The following FNIP2 variants were observed in gnomAD, a reference collection of about 807,000 sequenced individuals.
FNIP2 encodes the protein folliculin-interacting protein 2.
A neutral mutation model predicts 108.7 loss-of-function variants in FNIP2; 32 were observed. The ratio of observed to expected loss-of-function variants is 0.29; its 90% CI spans 0.22 to 0.40. FNIP2 has a LOEUF of 0.40. Ranked by LOEUF, FNIP2 falls within the 10% of genes least tolerant of loss-of-function variation. FNIP2 has a pLI of 1.00. For synonymous variants in FNIP2, 480 were observed against 496.7 expected (o/e 0.97, Z 0.45); for missense variants, 1,202 against 1,381.6 (o/e 0.87, Z 2.06).
intron 1 of FNIP2, among the ~76,000 whole-genome samples, chr4:158,804,924 T>C (rs966029564): frequency 1.3e-5 from 2 of 152,210 alleles, no homozygotes; most frequent in African/African-American, 4.8e-5. Flanking sequence ...CAAGTTGTCA[T>C]ATGTGTGTTG....
intron 14 of FNIP2, among the ~76,000 whole-genome samples, chr4:158,882,440 C>T (rs1380806548): frequency 1.3e-5 from 2 of 151,982 alleles, no homozygotes; most frequent in South Asian, 2.1e-4. Context: ...TCTGCCTGGC[C>T]GCCCCTTCTG....
chr4:158,775,562 G>C (rs1266334078), intron 1 of FNIP2, among the ~76,000 whole-genome samples: 2 of 142,622 alleles, frequency 1.4e-5, no homozygotes, highest in Non-Finnish European at 3.1e-5. Context: ...ACCAGTGCTT[G>C]AATGGGAGGG....
chr4:158,871,831 C>A (rs574045801), intron 14 of FNIP2: 1 of 985,360 alleles, frequency 1.0e-6, no homozygotes, highest in South Asian at 4.7e-5. Flanking sequence ...GCATCAATGA[C>A]CCCTGTAAGA....
At chr4:158,901,193 C>T (rs541436833) in intron 16 of FNIP2, among the ~76,000 whole-genome samples, 15 of 135,736 alleles carry the variant, frequency 1.1e-4, no homozygotes, top group South Asian at 6.8e-4. Context: ...AGTGCAGTGG[C>T]GTGATCTTAG....
rs547291618 is a variant in FNIP2 at position 158,859,096 on chromosome 4, T to C, written c.897T>C (p.Cys299=). The change falls in exon 9 of 17, where the codon TGT becomes TGC. Residue 299 remains cysteine, a synonymous_variant. Transcript: ENST00000264433. The part of the protein sequence containing the change: ...DETFSLAEET[C]SSNPAMVRRK... ...CATTCAGCTTGGCTGAAGAAACCTG[T>C]AGCTCTAATCCAGCTATGGTTAGGA... The C allele has an allele frequency of 4.3e-5, 69 of 1,614,008 alleles. 1 individual carries two copies. The South Asian group carries it at 6.6e-4, about 15-fold the overall frequency.
At chr4:158,877,399 CA>C (rs1160656365) in intron 14 of FNIP2, among the ~76,000 whole-genome samples, 1 of 152,204 alleles carries the variant, frequency 6.6e-6, no homozygotes, top group Non-Finnish European at 1.5e-5. Flanking sequence ...GATCCCTTAG[CA>C]ATGTCCCAAG....
At chr4:158,885,973 A>G (rs1001052709) in intron 14 of FNIP2, among the ~76,000 whole-genome samples, 9 of 152,188 alleles carry the variant, frequency 5.9e-5, no homozygotes, top group African/African-American at 2.2e-4. Flanking sequence ...AAGGCAGCAT[A>G]TTTTGTGTGT....
At chr4:158,881,543 G>C (rs1195906680) in intron 14 of FNIP2, among the ~76,000 whole-genome samples, 1 of 75,372 alleles carries the variant, frequency 1.3e-5, no homozygotes, top group Non-Finnish European at 2.4e-5. Context: ...CTCACTGCAA[G>C]CTCCCTGCCT....
At chr4:158,825,601 T>G (rs1472147088) in intron 1 of FNIP2, among the ~76,000 whole-genome samples, 1 of 152,248 alleles carries the variant, frequency 6.6e-6, no homozygotes, top group Non-Finnish European at 1.5e-5. Context: ...CTGCATGTCC[T>G]TGTGATTTCT....
intron 1 of FNIP2, among the ~76,000 whole-genome samples, chr4:158,792,496 T>C (rs564945389): frequency 6.6e-6 from 1 of 152,310 alleles, no homozygotes; most frequent in African/African-American, 2.4e-5. Flanking sequence ...ACAGTGTCTT[T>C]AGGTAAGCTT....
intron 1 of FNIP2, among the ~76,000 whole-genome samples, chr4:158,791,676 T>G (rs1373482152): frequency 6.6e-6 from 1 of 152,160 alleles, no homozygotes; most frequent in Non-Finnish European, 1.5e-5. Flanking sequence ...GTGCAAGAAA[T>G]TCTATTTTGG....
rs1161379766 is a variant in FNIP2 at position 158,835,495 on chromosome 4, T to G, written c.727+19T>G. ...CGATCAGGTACTTGTACTCTGTTTA[T>G]TGGTTTAACTAACAGAGTGAACTAT... On this transcript the variant is annotated intron_variant, in intron 7 of 16. Coordinates refer to ENST00000264433, the MANE Select transcript of FNIP2 (RefSeq NM_020840.3). 6.2e-7 allele frequency: 1 copy of G among 1,606,234 alleles called. No homozygotes were observed. Among genetic ancestry groups the G allele is most frequent in the African/African-American group, 1.3e-5 (1 of 74,706 alleles).
intron 1 of FNIP2, among the ~76,000 whole-genome samples, chr4:158,821,752 T>G (rs1241206067): frequency 6.6e-6 from 1 of 152,212 alleles, no homozygotes; most frequent in Non-Finnish European, 1.5e-5. Flanking sequence ...TCTGAAGCAC[T>G]GGTGGCCTTT....
At chr4:158,832,568 T>G (rs1024699740) in intron 5 of FNIP2, among the ~76,000 whole-genome samples, 42 of 152,362 alleles carry the variant, frequency 2.8e-4, no homozygotes, top group African/African-American at 8.7e-4. Context: ...CAGTTGTACT[T>G]TGATAAGTTT....
At chr4:158,882,046 G>A (rs1406269750) in intron 14 of FNIP2, among the ~76,000 whole-genome samples, 2 of 151,696 alleles carry the variant, frequency 1.3e-5, no homozygotes, top group Non-Finnish European at 2.9e-5. Flanking sequence ...CCCATTGTCT[G>A]AGATGTGGGG....
In FNIP2 at chr4:158,833,637, A is replaced by G; in HGVS notation, c.655+9A>G. The G allele has an allele frequency of 6.3e-7, 1 of 1,596,860 alleles. No homozygotes were observed. The highest frequency in any genetic ancestry group is 1.3e-5 in the African/African-American group (1 of 74,616). On this transcript the variant is annotated intron_variant, in intron 6 of 16. Transcript: ENST00000264433. Reference sequence around the variant, plus strand: ...TACTGGAAGTAACCTAGGTAAAATCAGAGATACAAACAAATTCTTTCTTTC... The same window carrying G: ...TACTGGAAGTAACCTAGGTAAAATCGGAGATACAAACAAATTCTTTCTTTC...
At position 158,904,750 on chromosome 4, in the gene FNIP2, G is replaced by A. The variant is rs1339316196; in HGVS notation, c.*206G>A. 4 of 551,102 alleles carry A rather than the reference G, an allele frequency of 7.3e-6. No homozygotes were observed. Among genetic ancestry groups the A allele is most frequent in the African/African-American group, 1.9e-5 (1 of 52,958 alleles). 34.1% of individuals were successfully genotyped at this position (551,102 alleles called of 1,614,324 possible). A position where few individuals can be genotyped will look rare whatever the true frequency, so the allele number is the denominator to read the frequency against. On this transcript the variant is annotated 3_prime_UTR_variant, in exon 17 of 17. Transcript: ENST00000264433. Reference sequence around the variant, plus strand: ...TGACATAATAGCATTTGTGATTGTCGTGAACACTTTAGGCCATTTGTTACC... The same window carrying A: ...TGACATAATAGCATTTGTGATTGTCATGAACACTTTAGGCCATTTGTTACC...
In FNIP2 at chr4:158,904,720, T is replaced by G. The variant is rs1729677179; in HGVS notation, c.*176T>G. 2 of 596,486 alleles carry G rather than the reference T, an allele frequency of 3.4e-6. No homozygotes were observed. The highest frequency in any genetic ancestry group is 3.7e-5 in the African/African-American group (2 of 53,916). The allele number at this position is 596,486 out of a possible 1,614,324, so 36.9% of individuals were successfully genotyped here. A position where few individuals can be genotyped will look rare whatever the true frequency, so the allele number is the denominator to read the frequency against. On this transcript the variant is annotated 3_prime_UTR_variant, in exon 17 of 17. Coordinates refer to ENST00000264433, the MANE Select transcript of FNIP2 (RefSeq NM_020840.3). ...CTGATGCTTCATTGAAGACTTAGGT[T>G]TACTTGACATAATAGCATTTGTGAT... is the stretch of plus-strand genomic sequence containing the variant.
At position 158,847,877 on chromosome 4, in the gene FNIP2, C is replaced by T. The variant is rs6844121; in HGVS notation, c.728-3444C>T. 4.5e-3 allele frequency among the ~76,000 whole-genome samples: 691 copies of T among 152,214 alleles called. 4 individuals are homozygous for T. Among genetic ancestry groups the T allele is most frequent in the African/African-American group, 0.015 (639 of 41,528 alleles). On this transcript the variant is annotated intron_variant, in intron 7 of 16. Transcript: ENST00000264433. ...AGGCTGGCAGTAGCCACTATGGGCC[C>T]GTGGTGGTGGTGGACATGGAGAGAG...
Sources: allele counts gnomAD v4.1 joint callset (sites outside exome capture counted in the v4.1 genomes callset), GRCh38; gene constraint gnomAD v4.1.1; transcripts MANE v1.5; gene names NCBI Gene and HGNC (gene_info 2026-07-23, HGNC 2026-07-21).